Variants in PSKH2 observed in about 807,000 individuals in gnomAD.
The protein encoded by PSKH2 is serine/threonine-protein kinase H2.
Under a neutral mutation model 22.5 loss-of-function variants are expected in PSKH2, and 16 were observed. The ratio of observed to expected loss-of-function variants is 0.71; its 90% CI spans 0.48 to 1.08. PSKH2 has a LOEUF of 1.08. Ranked by LOEUF, PSKH2 falls within the 50% of genes least tolerant of loss-of-function variation. The pLI, the probability that PSKH2 is intolerant of heterozygous loss-of-function variation, is 0.00. For synonymous variants in PSKH2, 188 were observed against 184.8 expected (o/e 1.02, Z -0.14); for missense variants, 516 against 492.8 (o/e 1.05, Z -0.44).
Position 86,064,409 on chromosome 8 carries a change from T to C in PSKH2, c.408A>G (p.Val136=). Residue 136 remains valine, a synonymous_variant, in exon 2 of 3, where the codon GTA becomes GTG. Transcript: ENST00000276616. ...GCTCCCCTCCGGTAGCCAGCTCCAT[T>C]ACCATGTAAACTTGATCCTCAGTCT... ...IFETEDQVYM[V]MELATGGELF... is the part of the protein sequence containing the mutation. The C allele has an allele frequency of 6.2e-7, 1 of 1,614,122 alleles. No homozygotes were observed. The highest frequency in any genetic ancestry group is 8.5e-7 in the Non-Finnish European group (1 of 1,180,030).
intron 2 of PSKH2, among the ~76,000 whole-genome samples, chr8:86,059,259 T>C (rs1457006589): frequency 2.0e-5 from 3 of 152,202 alleles, no homozygotes; most frequent in Non-Finnish European, 4.4e-5. Flanking sequence ...TTGATGTTTA[T>C]ACCTGAATTC....
chr8:86,055,953 AAT>A (rs982776767), intron 2 of PSKH2, among the ~76,000 whole-genome samples: 3 of 143,160 alleles, frequency 2.1e-5, no homozygotes, highest in Admixed American at 1.5e-4. Context: ...GGGATTTAAA[AAT>A]ATATATACAT....
rs184182723 is a variant in PSKH2 at position 86,064,521 on chromosome 8, C to T, written c.296G>A (p.Arg99Lys). The change falls in exon 2 of 3, where the codon AGG (arginine) becomes AAG (lysine). Residue 99 changes from arginine to lysine, a missense_variant. Coordinates refer to ENST00000276616, the MANE Select transcript of PSKH2 (RefSeq NM_033126.3). ...FAIKVMETRE[R>K]EGREACVSEL... ...AGACACGCACGCTTCTCTACCTTCC[C>T]TCTCTCTGGTTTCCATCACTTTTAT... 4.1e-5 allele frequency: 66 copies of T among 1,614,064 alleles called. No homozygotes were observed. The Admixed American group carries it at 9.2e-4, about 22-fold the overall frequency.
rs769073540 is a variant in PSKH2, at chr8:86,048,448, T to C, written c.*14A>G. On this transcript the variant is annotated 3_prime_UTR_variant, in exon 3 of 3. Transcript: ENST00000276616. ...GTCCTAAAATAGGCAAAAATAGTTT[T>C]AGAGGTCATCTGCTTACAAAAGCGC... is the stretch of plus-strand genomic sequence containing the variant. 3 of 1,602,814 alleles carry C rather than the reference T, an allele frequency of 1.9e-6. No individual in the cohort carries two copies. The highest frequency in any genetic ancestry group is 1.1e-5 in the South Asian group (1 of 90,320).
At chr8:86,067,938 T>G (rs1183282588) in intron 1 of PSKH2, among the ~76,000 whole-genome samples, 2 of 152,094 alleles carry the variant, frequency 1.3e-5, no homozygotes, top group Non-Finnish European at 2.9e-5. Flanking sequence ...CTTATAATGT[T>G]GAGATCCTCT....
intron 2 of PSKH2, among the ~76,000 whole-genome samples, chr8:86,051,367 C>T (rs956242519): frequency 1.3e-5 from 2 of 152,078 alleles, no homozygotes; most frequent in Admixed American, 6.6e-5. Context: ...GGATTACAGG[C>T]GTAAACACTG....
chr8:86,058,752 C>T (rs1477174490), intron 2 of PSKH2, among the ~76,000 whole-genome samples: 1 of 152,074 alleles, frequency 6.6e-6, no homozygotes, highest in African/African-American at 2.4e-5. Flanking sequence ...ATATATTTCA[C>T]AACAAAATCC....
chr8:86,053,481 C>G (rs149985356), intron 2 of PSKH2, among the ~76,000 whole-genome samples: 1 of 152,286 alleles, frequency 6.6e-6, no homozygotes, highest in East Asian at 1.9e-4. Flanking sequence ...CTCCCCTCCT[C>G]ACCATGAGCC....
At chr8:86,062,345 C>T (rs1817789822) in intron 2 of PSKH2, among the ~76,000 whole-genome samples, 1 of 152,162 alleles carries the variant, frequency 6.6e-6, no homozygotes, top group Non-Finnish European at 1.5e-5. Flanking sequence ...GAAACCTTTG[C>T]TGCATCTGGG....
chr8:86,047,115 TTTTC>T lies in PSKH2; in HGVS notation c.*1343_*1346del, dbSNP rs1359264249. 1.3e-5 allele frequency among the ~76,000 whole-genome samples: 2 copies of T among 152,226 alleles called. No individual in the cohort carries two copies. Among genetic ancestry groups the T allele is most frequent in the African/African-American group, 4.8e-5 (2 of 41,452 alleles). On this transcript the variant is annotated 3_prime_UTR_variant, in exon 3 of 3. Coordinates refer to ENST00000276616, the MANE Select transcript of PSKH2 (RefSeq NM_033126.3). ...AAATTCTTTGCCTTTTAAATTTTCA[TTTTC>T]TTTGTCATTTTTATTTTCATTTTGT... is the stretch of plus-strand genomic sequence containing the variant.
At chr8:86,051,721 A>C (rs1392566670) in intron 2 of PSKH2, among the ~76,000 whole-genome samples, 2 of 152,234 alleles carry the variant, frequency 1.3e-5, no homozygotes, top group Non-Finnish European at 2.9e-5. Context: ...TTTTAAGACA[A>C]GCAACTGAAT....
rs367798032 is a variant in PSKH2, at chr8:86,064,392, C to A, written c.425G>T (p.Gly142Val). ...QVYMVMELATGGELFDRLIAQ... is the reference protein window; with the variant it reads ...QVYMVMELATVGELFDRLIAQ... ...AATGAGTCGATCAAAGAGCTCCCCT[C>A]CGGTAGCCAGCTCCATTACCATGTA... Residue 142 changes from glycine to valine, a missense_variant, in exon 2 of 3, where the codon GGA (glycine) becomes GTA (valine). Coordinates refer to ENST00000276616, the MANE Select transcript of PSKH2 (RefSeq NM_033126.3). The A allele has an allele frequency of 1.2e-6, 2 of 1,614,058 alleles. No homozygotes were observed. Among genetic ancestry groups the A allele is most frequent in the Non-Finnish European group, 1.7e-6 (2 of 1,180,040 alleles).
At chr8:86,068,476 C>A (rs1275808147) in intron 1 of PSKH2, among the ~76,000 whole-genome samples, 3 of 152,208 alleles carry the variant, frequency 2.0e-5, no homozygotes, top group Non-Finnish European at 4.4e-5. Context: ...ATCAGCATTG[C>A]ACTAATGTCT....
chr8:86,058,125 C>T (rs963149577), intron 2 of PSKH2, among the ~76,000 whole-genome samples: 4 of 152,272 alleles, frequency 2.6e-5, no homozygotes, highest in African/African-American at 9.6e-5. Context: ...CATCCAAAAG[C>T]CATTGTGATG....
chr8:86,053,966 G>A (rs1242301983), intron 2 of PSKH2, among the ~76,000 whole-genome samples: 2 of 152,080 alleles, frequency 1.3e-5, no homozygotes, highest in Non-Finnish European at 2.9e-5. Flanking sequence ...AAGCCTAGGA[G>A]GTTGAGGCTG....
intron 2 of PSKH2, among the ~76,000 whole-genome samples, chr8:86,061,963 G>A (rs1466061424): frequency 6.6e-6 from 1 of 152,114 alleles, no homozygotes; most frequent in Non-Finnish European, 1.5e-5. Context: ...AGAAATATAT[G>A]TTCTTTGTAA....
chr8:86,053,049 T>C (rs371754260), intron 2 of PSKH2, among the ~76,000 whole-genome samples: 3 of 152,340 alleles, frequency 2.0e-5, no homozygotes, highest in Admixed American at 6.5e-5. Context: ...ATGCTGTAGA[T>C]GTCTTGACTC....
intron 2 of PSKH2, among the ~76,000 whole-genome samples, chr8:86,060,315 T>A (rs962315620): frequency 3.3e-5 from 5 of 152,216 alleles, no homozygotes; most frequent in Non-Finnish European, 5.9e-5. Context: ...CTCCTGTTGA[T>A]CTGCCTATTG....
At chr8:86,066,127 A>T (rs142979259) in intron 1 of PSKH2, among the ~76,000 whole-genome samples, 1,987 of 151,848 alleles carry the variant, frequency 0.013, 40 homozygotes, top group South Asian at 0.058. Context: ...TGTTTTACTG[A>T]TGAGGAAATT....
Sources: gnomAD v4.1 joint callset for allele counts (sites outside exome capture counted in the v4.1 genomes callset) on GRCh38, gnomAD v4.1.1 for gene constraint, MANE v1.5 for transcripts, NCBI Gene and HGNC (gene_info 2026-07-23, HGNC 2026-07-21) for gene names.